The following MTHFD1L variants were observed in gnomAD, a reference collection of about 807,000 sequenced individuals.
The protein encoded by MTHFD1L is monofunctional C1-tetrahydrofolate synthase, mitochondrial.
Under a neutral mutation model 119.5 loss-of-function variants are expected in MTHFD1L, and 81 were observed. The ratio of observed to expected loss-of-function variants is 0.68; its 90% confidence interval spans 0.57 to 0.82. The LOEUF is 0.82. Ranked by LOEUF, MTHFD1L falls within the 40% of genes least tolerant of loss-of-function variation. The pLI, the probability that MTHFD1L is intolerant of heterozygous loss-of-function variation, is 0.00. For missense variants in MTHFD1L, 1,125 were observed against 1,253.4 expected, an observed-to-expected ratio of 0.90 and a Z score of 1.55; for synonymous variants, 430 against 475.2, an observed-to-expected ratio of 0.90 and a Z score of 1.24.
At chr6:150,958,272 A>G (rs1484377277) in intron 17 of MTHFD1L, among the ~76,000 whole-genome samples, 1 of 152,148 alleles carries the variant, frequency 6.6e-6, no homozygotes, top group Non-Finnish European at 1.5e-5. Context: ...CTGTATCTTC[A>G]TTTTTAATGA....
chr6:151,094,396 G>A (rs1269593555), intron 27 of MTHFD1L, among the ~76,000 whole-genome samples: 1 of 152,102 alleles, frequency 6.6e-6, no homozygotes, highest in Admixed American at 6.5e-5. Context: ...AGAGTCTCGC[G>A]CTATCACCTA....
chr6:150,869,336 C>T (rs1583279519), intron 1 of MTHFD1L, among the ~76,000 whole-genome samples: 1 of 152,054 alleles, frequency 6.6e-6, no homozygotes, highest in East Asian at 1.9e-4. Context: ...TGCCCTCCCA[C>T]CCCCTGACAG....
At chr6:151,056,513 G>A (rs1380663729) in intron 26 of MTHFD1L, among the ~76,000 whole-genome samples, 1 of 152,206 alleles carries the variant, frequency 6.6e-6, no homozygotes, top group Non-Finnish European at 1.5e-5. Context: ...TTCCTCTGGA[G>A]ATGGTCTAGT....
At chr6:151,028,057 T>G (rs1784825193) in intron 24 of MTHFD1L, among the ~76,000 whole-genome samples, 2 of 152,080 alleles carry the variant, frequency 1.3e-5, no homozygotes, top group African/African-American at 4.8e-5. Flanking sequence ...TGGGAAACTG[T>G]GGGGCTGGAT....
chr6:150,912,135 C>T (rs1479358730), intron 8 of MTHFD1L, among the ~76,000 whole-genome samples: 1 of 152,188 alleles, frequency 6.6e-6, no homozygotes, highest in East Asian at 1.9e-4. Flanking sequence ...GATCCTGTCA[C>T]CTCCCACCAG....
intron 8 of MTHFD1L, 64 bp downstream of exon 8, chr6:150,905,825 CT>C: frequency 7.9e-7 from 1 of 1,273,632 alleles, no homozygotes; most frequent in East Asian, 2.3e-5. Flanking sequence ...AAATGTTAAC[CT>C]TTTCCTAAGA....
At chr6:151,007,379 G>A (rs1486272944) in intron 20 of MTHFD1L, among the ~76,000 whole-genome samples, 1 of 151,452 alleles carries the variant, frequency 6.6e-6, no homozygotes, top group Non-Finnish European at 1.5e-5. Context: ...CCTGGATGGA[G>A]CAGGAATTCC....
Position 151,084,683 on chromosome 6 carries a change from G to A in MTHFD1L, c.2848-7784G>A, listed in dbSNP as rs543644257. ...ATAACTATAGAAATATATATTAGAC[G>A]GGCCGGGCGTGGTGGCTCATGCCTG... is the stretch of plus-strand genomic sequence containing the variant. On this transcript the variant is annotated intron_variant, in intron 26 of 27. Coordinates refer to ENST00000367321, the MANE Select transcript of MTHFD1L (RefSeq NM_015440.5). 7.2e-5 allele frequency among the ~76,000 whole-genome samples: 11 copies of A among 151,964 alleles called. No homozygotes were observed. In the South Asian group the frequency reaches 1.9e-3, roughly 26 times the overall value.
At chr6:150,989,117 A>G (rs529996316) in intron 20 of MTHFD1L, among the ~76,000 whole-genome samples, 2 of 152,244 alleles carry the variant, frequency 1.3e-5, no homozygotes, top group Non-Finnish European at 2.9e-5. Flanking sequence ...ATGCTTCAGT[A>G]TAAATAATAT....
chr6:151,049,491 CAA>C (rs61344944), intron 26 of MTHFD1L, among the ~76,000 whole-genome samples: 11,112 of 86,114 alleles, frequency 0.13, 703 homozygotes, highest in South Asian at 0.29. Context: ...GACTCCGTCT[CAA>C]AAAAAAAAAA....
At chr6:150,886,048 T>C (rs1462287459) in intron 6 of MTHFD1L, among the ~76,000 whole-genome samples, 1 of 152,246 alleles carries the variant, frequency 6.6e-6, no homozygotes, top group Non-Finnish European at 1.5e-5. Context: ...ATTTCTCTCA[T>C]GAAACAGTCA....
intron 26 of MTHFD1L, among the ~76,000 whole-genome samples, chr6:151,083,219 C>T (rs944303576): frequency 2.0e-5 from 3 of 151,622 alleles, no homozygotes; most frequent in South Asian, 2.1e-4. Flanking sequence ...CTTTTTGAGA[C>T]GAAGTCTCAC....
intron 20 of MTHFD1L, among the ~76,000 whole-genome samples, chr6:150,975,899 G>A (rs1001198555): frequency 9.2e-5 from 14 of 152,202 alleles, no homozygotes; most frequent in African/African-American, 2.2e-4. Context: ...CTGGGGACAC[G>A]CCCTGAGCCT....
intron 26 of MTHFD1L, among the ~76,000 whole-genome samples, chr6:151,071,059 T>C (rs1442422810): frequency 6.6e-6 from 1 of 152,214 alleles, no homozygotes; most frequent in Non-Finnish European, 1.5e-5. Flanking sequence ...TTGCGTCAAC[T>C]CTAAAATACA....
intron 20 of MTHFD1L, among the ~76,000 whole-genome samples, chr6:151,001,413 C>T (rs1379215294): frequency 2.0e-5 from 3 of 152,212 alleles, no homozygotes; most frequent in Non-Finnish European, 4.4e-5. Flanking sequence ...AACTATTTTT[C>T]AAAGTCCAAG....
chr6:151,051,503 A>G (rs17353962), intron 26 of MTHFD1L, among the ~76,000 whole-genome samples: 4,892 of 152,170 alleles, frequency 0.032, 156 homozygotes, highest in Admixed American at 0.099. Context: ...TGTGGCTACT[A>G]TGGTTTATGG....
At chr6:150,892,238 T>C (rs996564295) in intron 7 of MTHFD1L, among the ~76,000 whole-genome samples, 4 of 152,252 alleles carry the variant, frequency 2.6e-5, no homozygotes, top group African/African-American at 7.2e-5. Flanking sequence ...TCCTTGGCAA[T>C]TGAATGTTTT....
intron 24 of MTHFD1L, chr6:151,022,343 C>A: frequency 4.3e-6 from 1 of 230,364 alleles, no homozygotes; most frequent in Non-Finnish European, 9.0e-6. Flanking sequence ...AGAGCCTCCA[C>A]ATTGAAATAA....
chr6:150,938,893 A>C, intron 13 of MTHFD1L, 148 bp downstream of exon 13: 3 of 822,382 alleles, frequency 3.6e-6, no homozygotes, highest in Non-Finnish European at 6.0e-6. Context: ...TGCATAACTC[A>C]TGCAGTGACA....
Sources: gnomAD v4.1 joint callset for allele counts (sites outside exome capture counted in the v4.1 genomes callset) on GRCh38, gnomAD v4.1.1 for gene constraint, MANE v1.5 for transcripts, NCBI Gene and HGNC (gene_info 2026-07-23, HGNC 2026-07-21) for gene names.